The following PLD5 variants were observed in gnomAD, a reference collection of about 807,000 sequenced individuals.
PLD5 encodes inactive phospholipase D5.
Under a neutral mutation model 61.1 loss-of-function variants are expected in PLD5, and 36 were observed. The observed-to-expected ratio is 0.59, with a 90% CI of 0.45 to 0.78. The LOEUF is 0.78. PLD5 is among the 30% of genes least tolerant of loss of function. PLD5 has a pLI of 0.00. For synonymous variants in PLD5, 243 were observed against 242.8 expected, an observed-to-expected ratio of 1.00 and a Z score of -0.01; for missense variants, 515 against 644.4, an observed-to-expected ratio of 0.80 and a Z score of 2.17.
intron 1 of PLD5, among the ~76,000 whole-genome samples, chr1:242,502,830 G>A (rs918841014): frequency 1.3e-5 from 2 of 152,138 alleles, no homozygotes; most frequent in Non-Finnish European, 2.9e-5. Flanking sequence ...GGAGGCTGAG[G>A]TGGGCGGATC....
intron 1 of PLD5, among the ~76,000 whole-genome samples, chr1:242,518,030 G>A (rs894774780): frequency 6.6e-6 from 1 of 152,056 alleles, no homozygotes; most frequent in South Asian, 2.1e-4. Context: ...GCCTACTCTG[G>A]AGGATAAAGA....
intron 5 of PLD5, among the ~76,000 whole-genome samples, chr1:242,217,356 C>T (rs577802902): frequency 2.6e-5 from 4 of 152,302 alleles, no homozygotes; most frequent in African/African-American, 9.6e-5. Flanking sequence ...GGCACGGTGG[C>T]TCACACTTGT....
intron 1 of PLD5, among the ~76,000 whole-genome samples, chr1:242,438,200 G>C (rs77457612): frequency 3.6e-4 from 55 of 152,098 alleles, no homozygotes; most frequent in Non-Finnish European, 1.0e-4. Context: ...AGGTCCACTG[G>C]GGGTAATCTG....
chr1:242,307,139 G>A (rs1185623759), intron 2 of PLD5, among the ~76,000 whole-genome samples: 8 of 152,142 alleles, frequency 5.3e-5, no homozygotes, highest in Non-Finnish European at 8.8e-5. Context: ...GGATTCTCCT[G>A]TATTTTAATA....
rs189652987 is a variant in PLD5 at position 242,439,033 on chromosome 1, C to T, written c.189+85055G>A. On this transcript the variant is annotated intron_variant, in intron 1 of 9. Transcript: ENST00000536534. ...TCTTTACATGCTTATTGTTTAGTTC[C>T]CTCATGTTTGTTTACATGTTTATTT... Among the ~76,000 whole-genome samples, 427 of 152,252 alleles carry T rather than the reference C, an allele frequency of 2.8e-3. 7 individuals carry two copies. Among genetic ancestry groups the T allele is most frequent in the African/African-American group, 9.0e-3 (374 of 41,540 alleles).
chr1:242,449,799 G>A (rs1020288219), intron 1 of PLD5, among the ~76,000 whole-genome samples: 1 of 152,176 alleles, frequency 6.6e-6, no homozygotes. Flanking sequence ...GAGCAGAAAC[G>A]GCTGCAATTC....
chr1:242,487,917 G>A (rs989977415), intron 1 of PLD5, among the ~76,000 whole-genome samples: 29 of 152,052 alleles, frequency 1.9e-4, no homozygotes, highest in Non-Finnish European at 2.5e-4. Context: ...GTACATGTAT[G>A]TATATCATTT....
intron 1 of PLD5, among the ~76,000 whole-genome samples, chr1:242,493,199 T>A (rs1266506244): frequency 6.6e-6 from 1 of 152,192 alleles, no homozygotes; most frequent in South Asian, 2.1e-4. Context: ...TTACCCTTCC[T>A]GTCATACACA....
chr1:242,319,822 G>A (rs554551284), intron 2 of PLD5, among the ~76,000 whole-genome samples: 5 of 152,304 alleles, frequency 3.3e-5, no homozygotes, highest in South Asian at 4.2e-4. Context: ...AGTTGAATGC[G>A]TATGTGACTA....
At chr1:242,156,028 G>A (rs563012999) in intron 5 of PLD5, among the ~76,000 whole-genome samples, 26 of 152,276 alleles carry the variant, frequency 1.7e-4, no homozygotes, top group Admixed American at 1.3e-3. Context: ...ATGCATCTGG[G>A]TGTTCCTGTA....
At chr1:242,169,816 G>A (rs1666610902) in intron 5 of PLD5, among the ~76,000 whole-genome samples, 1 of 152,220 alleles carries the variant, frequency 6.6e-6, no homozygotes, top group African/African-American at 2.4e-5. Context: ...AAAGCAGCCA[G>A]GAAGTTCGAA....
chr1:242,334,244 G>A (rs1659370720), intron 2 of PLD5, among the ~76,000 whole-genome samples: 1 of 152,092 alleles, frequency 6.6e-6, no homozygotes, highest in Non-Finnish European at 1.5e-5. Context: ...TAATCAACCT[G>A]TCTTCCTGGG....
intron 1 of PLD5, among the ~76,000 whole-genome samples, chr1:242,383,221 A>G (rs1015296853): frequency 6.6e-6 from 1 of 152,046 alleles, no homozygotes; most frequent in Non-Finnish European, 1.5e-5. Context: ...TGCTTTTATA[A>G]TTATTTTTAA....
At chr1:242,523,842 A>T (rs1448092705) in intron 1 of PLD5, among the ~76,000 whole-genome samples, 1 of 152,176 alleles carries the variant, frequency 6.6e-6, no homozygotes, top group Non-Finnish European at 1.5e-5. Context: ...CGGGAGACGC[A>T]GGTGGGCAGG....
At chr1:242,191,004 G>A (rs776118462) in intron 5 of PLD5, among the ~76,000 whole-genome samples, 4 of 152,118 alleles carry the variant, frequency 2.6e-5, no homozygotes, top group African/African-American at 9.7e-5. Flanking sequence ...GGGACAACAC[G>A]TTGGTATAGA....
At chr1:242,515,265 T>C (rs1357337365) in intron 1 of PLD5, among the ~76,000 whole-genome samples, 1 of 151,816 alleles carries the variant, frequency 6.6e-6, no homozygotes, top group Non-Finnish European at 1.5e-5. Flanking sequence ...CAGGCTGGAG[T>C]GCAATGGCAC....
rs150540065 is a variant in PLD5, at chr1:242,140,517, G to T, written c.736-15852C>A. On this transcript the variant is annotated intron_variant, in intron 5 of 9. Transcript: ENST00000536534. ...CCAGGCATGGTGGCATGTACTTGTA[G>T]TCTCAGCTACTCAGGTGGCAGAAAT... Among the ~76,000 whole-genome samples, 189 of 152,240 alleles carry T rather than the reference G, an allele frequency of 1.2e-3. 7 individuals are homozygous for T. The East Asian group carries it at 0.033, about 27-fold the overall frequency.
chr1:242,479,548 C>T lies in PLD5; in HGVS notation c.189+44540G>A, dbSNP rs928012887. ...AATAAGCAGAGAAATATAGTAGGTC[C>T]GTAAAGACATACTATATGGAGAGCA... On this transcript the variant is annotated intron_variant, in intron 1 of 9. Transcript: ENST00000536534. Among the ~76,000 whole-genome samples, 6 of 151,784 alleles carry T rather than the reference C, an allele frequency of 4.0e-5. No individual in the cohort carries two copies. The East Asian group carries it at 5.8e-4, about 15-fold the overall frequency.
intron 6 of PLD5, among the ~76,000 whole-genome samples, chr1:242,114,230 T>C (rs984342854): frequency 1.3e-5 from 2 of 152,156 alleles, no homozygotes; most frequent in African/African-American, 4.8e-5. Context: ...CTCAAGTCTG[T>C]TTTGGAAAGA....
Sources: allele counts gnomAD v4.1 joint callset (sites outside exome capture counted in the v4.1 genomes callset), GRCh38; gene constraint gnomAD v4.1.1; transcripts MANE v1.5; gene names NCBI Gene and HGNC (gene_info 2026-07-23, HGNC 2026-07-21).